Variants in CTNNA3 observed in about 807,000 individuals in gnomAD.
The protein encoded by CTNNA3 is catenin alpha 3.
Under a neutral mutation model 95.7 loss-of-function variants are expected in CTNNA3, and 76 were observed. That is an observed-to-expected ratio of 0.79 (90% confidence interval 0.66 to 0.96). CTNNA3 has a LOEUF of 0.96. CTNNA3 is among the 40% of genes least tolerant of loss of function. The pLI is 0.00. For missense variants in CTNNA3, 1,191 were observed against 1,089.8 expected (o/e 1.09, Z -1.31); for synonymous variants, 431 against 374.4 (o/e 1.15, Z -1.74).
intron 13 of CTNNA3, among the ~76,000 whole-genome samples, chr10:66,109,765 T>C (rs2082047181): frequency 6.6e-6 from 1 of 151,638 alleles, no homozygotes; most frequent in African/African-American, 2.4e-5. Flanking sequence ...TATCAGAAAA[T>C]GTATGAAAAT....
intron 5 of CTNNA3, among the ~76,000 whole-genome samples, chr10:67,487,955 T>C (rs543715562): frequency 6.6e-6 from 1 of 152,306 alleles, no homozygotes; most frequent in East Asian, 1.9e-4. Context: ...TGAGAGAATC[T>C]CTAGAAACCT....
intron 5 of CTNNA3, among the ~76,000 whole-genome samples, chr10:67,438,966 A>G (rs1279222238): frequency 6.6e-6 from 1 of 152,140 alleles, no homozygotes; most frequent in Admixed American, 6.5e-5. Flanking sequence ...GTCCTTGGTA[A>G]GCTTTAAAGG....
intron 7 of CTNNA3, among the ~76,000 whole-genome samples, chr10:67,025,608 T>C (rs1166971355): frequency 6.6e-6 from 1 of 152,142 alleles, no homozygotes; most frequent in Non-Finnish European, 1.5e-5. Context: ...CTTTAACCCC[T>C]GGAGGAAGAA....
chr10:67,184,082 G>A (rs998189781), intron 6 of CTNNA3, among the ~76,000 whole-genome samples: 1 of 152,182 alleles, frequency 6.6e-6, no homozygotes, highest in Non-Finnish European at 1.5e-5. Flanking sequence ...GTATTATTGT[G>A]ATGGAGAAGG....
intron 5 of CTNNA3, among the ~76,000 whole-genome samples, chr10:67,320,471 T>C (rs1241284020): frequency 1.3e-5 from 2 of 152,184 alleles, no homozygotes; most frequent in African/African-American, 4.8e-5. Context: ...AAGCCTACAT[T>C]TTAAAATATT....
At chr10:66,618,451 G>A (rs1844610834) in intron 10 of CTNNA3, among the ~76,000 whole-genome samples, 1 of 152,214 alleles carries the variant, frequency 6.6e-6, no homozygotes, top group East Asian at 1.9e-4. Flanking sequence ...AGAAAAACAA[G>A]AAATGGGGAA....
At chr10:67,239,633 G>GT (rs1865641359) in intron 5 of CTNNA3, among the ~76,000 whole-genome samples, 1 of 152,066 alleles carries the variant, frequency 6.6e-6, no homozygotes. Flanking sequence ...TTTTCTGAAT[G>GT]TATGTTATAC....
At chr10:66,233,381 G>A (rs999646419) in intron 13 of CTNNA3, among the ~76,000 whole-genome samples, 12 of 151,960 alleles carry the variant, frequency 7.9e-5, no homozygotes, top group African/African-American at 2.7e-4. Context: ...AAGCTACCAA[G>A]TGAACAGTAA....
intron 7 of CTNNA3, among the ~76,000 whole-genome samples, chr10:67,067,304 A>G (rs1383120896): frequency 6.6e-6 from 1 of 152,052 alleles, no homozygotes; most frequent in Non-Finnish European, 1.5e-5. Context: ...TAACCACTTT[A>G]ATACTGCATG....
intron 2 of CTNNA3, among the ~76,000 whole-genome samples, chr10:67,645,112 C>A (rs1279418911): frequency 2.0e-5 from 3 of 152,128 alleles, no homozygotes; most frequent in African/African-American, 7.2e-5. Flanking sequence ...TTTCATCCTT[C>A]TAATTTTATA....
chr10:67,504,452 A>AC (rs1839367783), intron 5 of CTNNA3, among the ~76,000 whole-genome samples: 1 of 149,028 alleles, frequency 6.7e-6, no homozygotes, highest in African/African-American at 2.5e-5. Flanking sequence ...AAAAAAAAAA[A>AC]AAAAAAAACA....
chr10:67,505,011 AT>A (rs1444076344), intron 5 of CTNNA3, among the ~76,000 whole-genome samples: 1 of 152,210 alleles, frequency 6.6e-6, no homozygotes, highest in African/African-American at 2.4e-5. Context: ...GTATGTTTAT[AT>A]TAGAATGGGC....
At chr10:67,397,340 G>A (rs1205295898) in intron 5 of CTNNA3, among the ~76,000 whole-genome samples, 2 of 152,158 alleles carry the variant, frequency 1.3e-5, no homozygotes, top group Admixed American at 6.5e-5. Context: ...CAGATGGAGA[G>A]GAGGAACTTT....
In CTNNA3 at chr10:66,280,807, G is replaced by A. The variant is rs77439535; in HGVS notation, c.1733-186C>T. On this transcript the variant is annotated intron_variant, in intron 12 of 17. Coordinates refer to ENST00000433211, the MANE Select transcript of CTNNA3 (RefSeq NM_013266.4). ...ATCTTGAATCTCTGAAAAGTAAAAC[G>A]AATCAAAGACAATTAAAGGCATTTT... Among the ~76,000 whole-genome samples the A allele has an allele frequency of 2.7e-5, 4 of 149,844 alleles. No homozygotes were observed. The South Asian group carries it at 6.3e-4, about 24-fold the overall frequency.
chr10:66,861,467 T>C (rs1044264331), intron 7 of CTNNA3, among the ~76,000 whole-genome samples: 2 of 152,154 alleles, frequency 1.3e-5, no homozygotes, highest in African/African-American at 4.8e-5. Flanking sequence ...TGTAATGGAA[T>C]GGGGTCCTGT....
At chr10:67,321,506 G>C (rs1420356701) in intron 5 of CTNNA3, among the ~76,000 whole-genome samples, 1 of 152,150 alleles carries the variant, frequency 6.6e-6, no homozygotes, top group Non-Finnish European at 1.5e-5. Context: ...TCAACAGGCA[G>C]ATCAGCGGCA....
At chr10:67,482,357 G>A (rs1468110705) in intron 5 of CTNNA3, among the ~76,000 whole-genome samples, 1 of 152,060 alleles carries the variant, frequency 6.6e-6, no homozygotes, top group Non-Finnish European at 1.5e-5. Context: ...CCATTTTCAC[G>A]ATATTGATTC....
intron 7 of CTNNA3, among the ~76,000 whole-genome samples, chr10:67,049,106 T>C (rs1227233855): frequency 1.3e-5 from 2 of 151,968 alleles, no homozygotes; most frequent in Non-Finnish European, 2.9e-5. Context: ...TTGTGGTCTA[T>C]GGAACAAGAT....
chr10:67,572,121 AT>A (rs1157013458), intron 3 of CTNNA3, among the ~76,000 whole-genome samples: 1 of 152,182 alleles, frequency 6.6e-6, no homozygotes, highest in East Asian at 1.9e-4. Context: ...TATTTTAGAT[AT>A]GTTGGATTAA....
Sources: gnomAD v4.1 joint callset for allele counts (sites outside exome capture counted in the v4.1 genomes callset) on GRCh38, gnomAD v4.1.1 for gene constraint, MANE v1.5 for transcripts, NCBI Gene and HGNC (gene_info 2026-07-23, HGNC 2026-07-21) for gene names.